Variants in ZDHHC18 observed in about 807,000 individuals in gnomAD.
ZDHHC18 encodes the protein palmitoyltransferase ZDHHC18.
A neutral mutation model predicts 37.5 loss-of-function variants in ZDHHC18; 23 were observed. The observed-to-expected ratio is 0.61, with a 90% CI of 0.44 to 0.87. ZDHHC18 has a LOEUF of 0.87. Ranked by LOEUF, ZDHHC18 falls within the 40% of genes least tolerant of loss-of-function variation. The pLI, the probability that ZDHHC18 is intolerant of heterozygous loss-of-function variation, is 0.00. For synonymous variants in ZDHHC18, 185 were observed against 218.7 expected (o/e 0.85, Z 1.36); for missense variants, 406 against 525.6 (o/e 0.77, Z 2.22).
intron 1 of ZDHHC18, among the ~76,000 whole-genome samples, chr1:26,830,014 A>G (rs2081580634): frequency 6.6e-6 from 1 of 152,254 alleles, no homozygotes; most frequent in South Asian, 2.1e-4. Context: ...GGTCAGACCC[A>G]GAAACCATTG....
At chr1:26,827,900 C>T (rs1570663786) in intron 1 of ZDHHC18, among the ~76,000 whole-genome samples, 1 of 152,204 alleles carries the variant, frequency 6.6e-6, no homozygotes, top group African/African-American at 2.4e-5. Flanking sequence ...CCTGGCCCCC[C>T]TGCTGACCAC....
intron 2 of ZDHHC18, among the ~76,000 whole-genome samples, chr1:26,835,974 G>C (rs1327518270): frequency 6.6e-6 from 1 of 152,108 alleles, no homozygotes; most frequent in Non-Finnish European, 1.5e-5. Flanking sequence ...GTTTACCCAG[G>C]ACCACCTGGA....
chr1:26,839,378 A>C (rs573638198), intron 2 of ZDHHC18, among the ~76,000 whole-genome samples: 1 of 152,302 alleles, frequency 6.6e-6, no homozygotes, highest in East Asian at 1.9e-4. Flanking sequence ...TCTACAACAA[A>C]TATTTTTTGA....
In ZDHHC18 at chr1:26,828,909, T is replaced by C. The variant is rs1293857708; in HGVS notation, c.335+1770T>C. Reference sequence around the variant, plus strand: ...CTGCAGCCGAGGCAGGAGGAAGCAGTACTTGCCGTGGTTGACCCACATGAC... The same window carrying C: ...CTGCAGCCGAGGCAGGAGGAAGCAGCACTTGCCGTGGTTGACCCACATGAC... On this transcript the variant is annotated intron_variant, in intron 1 of 7. Transcript: ENST00000374142. Among the ~76,000 whole-genome samples, 5 of 152,164 alleles carry C rather than the reference T, an allele frequency of 3.3e-5. No individual in the cohort carries two copies. The East Asian group carries it at 9.6e-4, about 29-fold the overall frequency.
intron 1 of ZDHHC18, among the ~76,000 whole-genome samples, chr1:26,830,075 C>G (rs936834002): frequency 5.3e-5 from 8 of 152,358 alleles, no homozygotes; most frequent in African/African-American, 1.9e-4. Context: ...CCTTGGCAGT[C>G]TGCTCCTCAG....
chr1:26,853,460 A>G (rs2081717332), intron 7 of ZDHHC18, among the ~76,000 whole-genome samples: 1 of 152,220 alleles, frequency 6.6e-6, no homozygotes, highest in African/African-American at 2.4e-5. Context: ...CCTCACCTGC[A>G]GCCTGGCTTC....
intron 6 of ZDHHC18, 133 bp from the exon 7 acceptor site, chr1:26,852,620 C>A (rs975958728): frequency 1.4e-6 from 1 of 695,384 alleles, no homozygotes; most frequent in African/African-American, 1.8e-5. Flanking sequence ...GAATGGCCCA[C>A]ATGAAAGACA....
Position 26,826,952 on chromosome 1 carries a change from AGCAGCGGCAGCG to A in ZDHHC18, c.162_173del (p.Gly58_Ser61del), listed in dbSNP as rs878922433. ...CGCCCCCGCCCCGCCGCGCTGGAGCAGCAGCGGCAGCGGCAGCGGCAGCGGGAGCGGGAGCCT... is the reference window on the plus strand; with the variant it reads ...CGCCCCCGCCCCGCCGCGCTGGAGCAGCAGCGGCAGCGGGAGCGGGAGCCT... On this transcript the variant is annotated inframe_deletion, in exon 1 of 8. Transcript: ENST00000374142. This position sits in a 1 kb window ranked among gnomAD's most constrained non-coding sequence, Gnocchi z 5.2. The A allele has an allele frequency of 1.9e-4, 222 of 1,191,596 alleles. 1 individual carries two copies. The highest frequency in any genetic ancestry group is 6.6e-4 in the Middle Eastern group (2 of 3,022). The allele number at this position is 1,191,596 out of a possible 1,614,324, so 73.8% of individuals were successfully genotyped here.
intron 3 of ZDHHC18, among the ~76,000 whole-genome samples, chr1:26,849,277 C>G (rs1380092538): frequency 2.0e-5 from 3 of 152,216 alleles, no homozygotes; most frequent in Admixed American, 6.5e-5. Flanking sequence ...CTACAGCTGC[C>G]TGCAGTGGTT....
At chr1:26,847,191 G>T (rs1355467235) in intron 2 of ZDHHC18, among the ~76,000 whole-genome samples, 7 of 151,962 alleles carry the variant, frequency 4.6e-5, no homozygotes, top group Admixed American at 4.6e-4. Context: ...CACCACACCT[G>T]GCCAATTGTT....
chr1:26,850,199 G>C lies in ZDHHC18; in HGVS notation c.647-102G>C, dbSNP rs2081695034. 3.4e-6 allele frequency: 5 copies of C among 1,452,100 alleles called. No individual in the cohort carries two copies. The South Asian group carries it at 5.2e-5, about 15-fold the overall frequency. The allele number at this position is 1,452,100 out of a possible 1,614,324, so 90.0% of individuals were successfully genotyped here. ...CTGGGAGCCAGCTGGTGCTGCGAGA[G>C]TGAACGGGGTAGGAAAGCCCCAGCC... On this transcript the variant is annotated intron_variant, in intron 3 of 7. Coordinates refer to ENST00000374142, the MANE Select transcript of ZDHHC18 (RefSeq NM_032283.3). The surrounding 1 kb of genome is among the most constrained non-coding windows in gnomAD (Gnocchi z 6.1).
chr1:26,827,835 G>A (rs1359891943), intron 1 of ZDHHC18, among the ~76,000 whole-genome samples: 1 of 151,974 alleles, frequency 6.6e-6, no homozygotes, highest in Non-Finnish European at 1.5e-5. Context: ...GTTCTCCAGA[G>A]CTTCCTGTCC....
chr1:26,827,762 G>A (rs1471636105), intron 1 of ZDHHC18, among the ~76,000 whole-genome samples: 1 of 152,020 alleles, frequency 6.6e-6, no homozygotes, highest in African/African-American at 2.4e-5. Flanking sequence ...AGGCCCCAAG[G>A]CATCTTTTCT....
chr1:26,850,573 A>G lies in ZDHHC18; in HGVS notation c.800A>G (p.Asn267Ser). ...TTCTCCCCAGGCGCTCAGGGAAGCA[A>G]CTTCCTCTCCACTCTGAAGGAGACA... The part of the protein sequence containing the change: ...THLTLRAQGS[N>S]FLSTLKETPA... Residue 267 changes from asparagine (N) to serine (S), a missense_variant, in exon 5 of 8, where the codon AAC becomes AGC. Asn to Ser is a conservative substitution (Grantham distance 46). Transcript: ENST00000374142. The surrounding 1 kb of genome is among the most constrained non-coding windows in gnomAD (Gnocchi z 6.1). 1 of 1,614,056 alleles carries G rather than the reference A, an allele frequency of 6.2e-7. No homozygotes were observed.
intron 1 of ZDHHC18, 129 bp from the exon 2 acceptor site, chr1:26,832,318 C>A: frequency 8.4e-7 from 1 of 1,185,884 alleles, no homozygotes; most frequent in Non-Finnish European, 1.2e-6. Flanking sequence ...GTGCCTCTGC[C>A]TCAGAGCGAG....
chr1:26,853,597 A>C (rs75460349), intron 7 of ZDHHC18, 129 bp from the exon 8 acceptor site: 18,029 of 872,922 alleles, frequency 0.021, 238 homozygotes, highest in Non-Finnish European at 0.025. Flanking sequence ...GATGGGCAGC[A>C]GCTCTCCTTT....
Position 26,827,096 on chromosome 1 carries a change from C to G in ZDHHC18, c.292C>G (p.Leu98Val). The G allele has an allele frequency of 9.2e-6, 13 of 1,412,306 alleles. No individual in the cohort carries two copies. Among genetic ancestry groups the G allele is most frequent in the Non-Finnish European group, 1.2e-5 (13 of 1,085,864 alleles). The allele number at this position is 1,412,306 out of a possible 1,614,324, so 87.5% of individuals were successfully genotyped here. ...CCACGGCGGCGTCTTCGCGCTCACG[C>G]TGCTGCTCATCCTCACCACCACCGG... ...AGHGGVFALT[L>V]LLILTTTGLF... Residue 98 changes from leucine to valine, a missense_variant, in exon 1 of 8, where the codon CTG (leucine) becomes GTG (valine). By Grantham distance (32) the Leu-to-Val change is conservative. Transcript: ENST00000374142.
At position 26,851,968 on chromosome 1, in the gene ZDHHC18, T is replaced by C. The variant is rs530987229; in HGVS notation, c.936+737T>C. On this transcript the variant is annotated intron_variant, in intron 6 of 7. Coordinates refer to ENST00000374142, the MANE Select transcript of ZDHHC18 (RefSeq NM_032283.3). Reference sequence around the variant, plus strand: ...ACTAAAAAGTAAATGAGAGCATCTGTTTCAGGGCCCACCATCTGATACTTA... The same window carrying C: ...ACTAAAAAGTAAATGAGAGCATCTGCTTCAGGGCCCACCATCTGATACTTA... Among the ~76,000 whole-genome samples, 7 of 152,336 alleles carry C rather than the reference T, an allele frequency of 4.6e-5. No homozygotes were observed. In the East Asian group the frequency reaches 1.4e-3, roughly 29 times the overall value.
chr1:26,846,112 GTA>G (rs201741401), intron 2 of ZDHHC18, among the ~76,000 whole-genome samples: 4 of 132,758 alleles, frequency 3.0e-5, no homozygotes, highest in East Asian at 2.0e-4. Context: ...TTGTGTGTGT[GTA>G]TATATATATG....
Sources: allele counts gnomAD v4.1 joint callset (sites outside exome capture counted in the v4.1 genomes callset), GRCh38; gene constraint gnomAD v4.1.1; non-coding constraint Gnocchi (gnomAD v3.1); transcripts MANE v1.5; gene names NCBI Gene and HGNC (gene_info 2026-07-23, HGNC 2026-07-21).